The following NRG3 variants were observed in gnomAD, a reference collection of about 807,000 sequenced individuals.
NRG3 encodes pro-neuregulin-3, membrane-bound isoform.
A neutral mutation model predicts 66.9 loss-of-function variants in NRG3; 31 were observed. That is an observed-to-expected ratio of 0.46 (90% CI 0.35 to 0.63). NRG3 has a LOEUF of 0.63. Among genes scored for constraint, NRG3 ranks in the 20% least tolerant of loss-of-function variants. The probability of loss-of-function intolerance (pLI) is 0.00; values close to 1 mark genes in which losing one functional copy is unlikely to be tolerated. For missense variants in NRG3, 910 were observed against 878.9 expected (o/e 1.04, Z -0.45); for synonymous variants, 393 against 359.4 (o/e 1.09, Z -1.06).
chr10:81,945,311 C>T (rs1848751941), intron 1 of NRG3, among the ~76,000 whole-genome samples: 1 of 151,856 alleles, frequency 6.6e-6, no homozygotes, highest in Non-Finnish European at 1.5e-5. Flanking sequence ...CTCCTTCTTT[C>T]TCCTTCCTCC....
rs775801982 is a variant in NRG3, at chr10:82,001,195, G to GA, written c.823+125047dup. Among the ~76,000 whole-genome samples the GA allele has an allele frequency of 7.1e-3, 846 of 119,784 alleles. 5 individuals carry two copies. The highest frequency in any genetic ancestry group is 0.014 in the Middle Eastern group (3 of 210). 78.6% of individuals were successfully genotyped at this position (119,784 alleles called of 152,430 possible). Reference sequence around the variant, plus strand: ...ATTTTTAAAAAAGGAAAGTGTAAGAGAAAAAAAAAAAAAAAGCAAAGGAAA... The same window carrying GA: ...ATTTTTAAAAAAGGAAAGTGTAAGAGAAAAAAAAAAAAAAAAGCAAAGGAAA... On this transcript the variant is annotated intron_variant, in intron 1 of 8. Coordinates refer to ENST00000372141, the MANE Select transcript of NRG3 (RefSeq NM_001010848.4).
intron 2 of NRG3, among the ~76,000 whole-genome samples, chr10:82,451,314 T>C (rs1274481944): frequency 2.0e-5 from 3 of 152,134 alleles, no homozygotes; most frequent in Admixed American, 6.6e-5. Context: ...GTAAGGATTA[T>C]ATTATATGAC....
chr10:82,716,652 G>A (rs911558527), intron 2 of NRG3, among the ~76,000 whole-genome samples: 1 of 152,180 alleles, frequency 6.6e-6, no homozygotes, highest in Non-Finnish European at 1.5e-5. Flanking sequence ...CATTTCAGGA[G>A]AGGCACTTAT....
chr10:81,944,925 T>C (rs1274736967), intron 1 of NRG3, among the ~76,000 whole-genome samples: 1 of 152,088 alleles, frequency 6.6e-6, no homozygotes, highest in Non-Finnish European at 1.5e-5. Context: ...TATTTTTGCA[T>C]TTTAACCCTC....
chr10:82,686,692 A>G (rs1456645902), intron 2 of NRG3, among the ~76,000 whole-genome samples: 1 of 152,220 alleles, frequency 6.6e-6, no homozygotes, highest in Non-Finnish European at 1.5e-5. Context: ...TATGCAGTGC[A>G]TGAGTGTATT....
intron 2 of NRG3, among the ~76,000 whole-genome samples, chr10:82,696,192 G>T (rs1018928720): frequency 2.6e-5 from 4 of 152,032 alleles, no homozygotes; most frequent in African/African-American, 4.8e-5. Context: ...ACAGAGATAG[G>T]ACTCCCAAGA....
At chr10:82,346,145 T>C (rs2135444178) in intron 1 of NRG3, among the ~76,000 whole-genome samples, 1 of 146,076 alleles carries the variant, frequency 6.8e-6, no homozygotes, top group South Asian at 2.2e-4. Context: ...CTTGTGCCAG[T>C]TTTCAAAGGG....
chr10:82,967,858 G>A (rs542278595), intron 6 of NRG3, among the ~76,000 whole-genome samples: 1 of 152,268 alleles, frequency 6.6e-6, no homozygotes, highest in East Asian at 1.9e-4. Flanking sequence ...TCAAACCCAT[G>A]GAAGTATCGG....
intron 1 of NRG3, among the ~76,000 whole-genome samples, chr10:82,131,641 T>C (rs2068828378): frequency 6.6e-6 from 1 of 152,176 alleles, no homozygotes; most frequent in African/African-American, 2.4e-5. Context: ...TTTGGCATTT[T>C]AACAATACTG....
chr10:82,023,175 G>A (rs1404559163), intron 1 of NRG3, among the ~76,000 whole-genome samples: 1 of 151,720 alleles, frequency 6.6e-6, no homozygotes, highest in Non-Finnish European at 1.5e-5. Context: ...TGCTGTTGGT[G>A]TATTGACCTG....
intron 2 of NRG3, among the ~76,000 whole-genome samples, chr10:82,429,968 A>C (rs2089688972): frequency 6.6e-6 from 1 of 152,282 alleles, no homozygotes; most frequent in East Asian, 1.9e-4. Flanking sequence ...ACTTCAATTT[A>C]GTACTTTTTT....
At chr10:82,362,331 A>ATGTG (rs1464046170) in intron 2 of NRG3, among the ~76,000 whole-genome samples, 5 of 123,770 alleles carry the variant, frequency 4.0e-5, no homozygotes, top group African/African-American at 7.6e-5. Context: ...GTGTATATAT[A>ATGTG]TATGTGTGTG....
chr10:82,671,034 C>A (rs1163671675), intron 2 of NRG3, among the ~76,000 whole-genome samples: 1 of 152,128 alleles, frequency 6.6e-6, no homozygotes, highest in African/African-American at 2.4e-5. Flanking sequence ...CCAACCTTCC[C>A]CCTTAGGTGG....
At chr10:81,929,474 G>A (rs182430900) in intron 1 of NRG3, among the ~76,000 whole-genome samples, 1 of 152,172 alleles carries the variant, frequency 6.6e-6, no homozygotes, top group Non-Finnish European at 1.5e-5. Context: ...CCCAGCGGCC[G>A]TTTTGCATGG....
At chr10:82,349,688 C>T (rs1233980557) in intron 1 of NRG3, among the ~76,000 whole-genome samples, 2 of 152,078 alleles carry the variant, frequency 1.3e-5, no homozygotes, top group Non-Finnish European at 2.9e-5. Flanking sequence ...GCAGTTTGAT[C>T]TCAGACTGCT....
At chr10:82,015,578 T>C (rs576593807) in intron 1 of NRG3, among the ~76,000 whole-genome samples, 3 of 152,112 alleles carry the variant, frequency 2.0e-5, no homozygotes, top group Non-Finnish European at 2.9e-5. Context: ...TCTCATGAGA[T>C]CTGATGGTTT....
chr10:82,671,652 G>T (rs1381893600), intron 2 of NRG3, among the ~76,000 whole-genome samples: 2 of 152,188 alleles, frequency 1.3e-5, no homozygotes, highest in Non-Finnish European at 2.9e-5. Flanking sequence ...TCTCTCCTCT[G>T]TATTTCATCC....
chr10:82,549,655 A>T (rs1270941759), intron 2 of NRG3, among the ~76,000 whole-genome samples: 1 of 152,178 alleles, frequency 6.6e-6, no homozygotes, highest in Non-Finnish European at 1.5e-5. Flanking sequence ...TGGAGAAATT[A>T]CACAAACAAA....
chr10:82,365,708 C>CA (rs147433041), intron 2 of NRG3, among the ~76,000 whole-genome samples: 2,748 of 151,358 alleles, frequency 0.018, 41 homozygotes, highest in Non-Finnish European at 0.027. Context: ...AAGTATCATG[C>CA]AAAAAAACAA....
Sources: allele counts gnomAD v4.1 joint callset (sites outside exome capture counted in the v4.1 genomes callset), GRCh38; gene constraint gnomAD v4.1.1; transcripts MANE v1.5; gene names NCBI Gene and HGNC (gene_info 2026-07-23, HGNC 2026-07-21).